PPFIA2: variants seen among roughly 807,000 people sequenced by gnomAD.
PPFIA2 encodes the protein liprin-alpha-2.
PPFIA2 carries 46 observed loss-of-function variants against 175.5 expected under a neutral mutation model. That is an observed-to-expected ratio of 0.26 (90% CI 0.21 to 0.34). The LOEUF is 0.34. Ranked by LOEUF, PPFIA2 falls within the 10% of genes least tolerant of loss-of-function variation. The pLI is 1.00. For missense variants in PPFIA2, 1,179 were observed against 1,506.1 expected (o/e 0.78, Z 3.60); for synonymous variants, 568 against 511.4 (o/e 1.11, Z -1.49).
intron 7 of PPFIA2, among the ~76,000 whole-genome samples, chr12:81,436,405 T>C (rs911578472): frequency 6.6e-6 from 1 of 150,386 alleles, no homozygotes; most frequent in Non-Finnish European, 1.5e-5. Context: ...TTTGCTCTGG[T>C]TCCTGATTAT....
At chr12:81,386,705 G>A (rs1029962771) in intron 8 of PPFIA2, among the ~76,000 whole-genome samples, 10 of 151,972 alleles carry the variant, frequency 6.6e-5, no homozygotes, top group African/African-American at 2.2e-4. Context: ...TTTGTAGTGA[G>A]GACGGTGCAG....
At chr12:81,269,249 A>G (rs1294395139) in intron 28 of PPFIA2, among the ~76,000 whole-genome samples, 5 of 151,900 alleles carry the variant, frequency 3.3e-5, no homozygotes, top group Non-Finnish European at 7.4e-5. Flanking sequence ...AAAGAATTTT[A>G]AGAAACTTAA....
intron 4 of PPFIA2, among the ~76,000 whole-genome samples, chr12:81,635,909 ATCTC>A (rs112608940): frequency 4.0e-5 from 6 of 150,222 alleles, no homozygotes; most frequent in African/African-American, 1.5e-4. Context: ...GGAAAATGCA[ATCTC>A]TCTCTCTCAC....
At chr12:81,501,844 C>T (rs1409230500) in intron 4 of PPFIA2, among the ~76,000 whole-genome samples, 1 of 152,078 alleles carries the variant, frequency 6.6e-6, no homozygotes, top group South Asian at 2.1e-4. Context: ...CCTAACACTG[C>T]TATTGTCAAT....
chr12:81,607,777 C>T (rs1205226796), intron 4 of PPFIA2, among the ~76,000 whole-genome samples: 1 of 151,876 alleles, frequency 6.6e-6, no homozygotes, highest in Non-Finnish European at 1.5e-5. Context: ...TATTTGGATG[C>T]CTTTTATTTC....
intron 4 of PPFIA2, among the ~76,000 whole-genome samples, chr12:81,522,004 C>T (rs2063214720): frequency 6.6e-6 from 1 of 151,890 alleles, no homozygotes; most frequent in Non-Finnish European, 1.5e-5. Context: ...ATGCATTTAC[C>T]TATTGGAATA....
chr12:81,593,925 C>T (rs545802139), intron 4 of PPFIA2, among the ~76,000 whole-genome samples: 1 of 152,268 alleles, frequency 6.6e-6, no homozygotes, highest in East Asian at 1.9e-4. Flanking sequence ...GGCTGCAGAA[C>T]AGAAGGTGAG....
intron 8 of PPFIA2, among the ~76,000 whole-genome samples, chr12:81,402,781 GAGA>G (rs1296501418): frequency 6.6e-6 from 1 of 152,124 alleles, no homozygotes; most frequent in Non-Finnish European, 1.5e-5. Context: ...TTGAGCCCAG[GAGA>G]AGGAGGTTGC....
chr12:81,699,044 G>A (rs1480481008), intron 3 of PPFIA2, among the ~76,000 whole-genome samples: 2 of 151,984 alleles, frequency 1.3e-5, no homozygotes, highest in South Asian at 2.1e-4. Context: ...TCACTATCAA[G>A]TAATATGCAG....
At chr12:81,426,457 G>T (rs2047150976) in intron 7 of PPFIA2, among the ~76,000 whole-genome samples, 1 of 152,140 alleles carries the variant, frequency 6.6e-6, no homozygotes, top group African/African-American at 2.4e-5. Flanking sequence ...TGAACTTGCA[G>T]TTGGTATCAG....
intron 4 of PPFIA2, among the ~76,000 whole-genome samples, chr12:81,624,225 A>G (rs1215847515): frequency 1.3e-5 from 2 of 151,612 alleles, no homozygotes; most frequent in Non-Finnish European, 3.0e-5. Flanking sequence ...TATGTTACTT[A>G]TATGTCAACT....
intron 4 of PPFIA2, among the ~76,000 whole-genome samples, chr12:81,642,707 T>TTATATACATAC (rs1187931165): frequency 0.026 from 1,850 of 69,858 alleles, 731 homozygotes; most frequent in South Asian, 0.05. Context: ...CATGTATATG[T>TTATATACATAC]ATGTATGTAT....
In PPFIA2 at chr12:81,354,214, CTCTT is replaced by C. The variant is rs1030028765; in HGVS notation, c.1774-879_1774-876del. 2.4e-4 allele frequency among the ~76,000 whole-genome samples: 37 copies of C among 152,238 alleles called. 1 individual carries two copies. Among genetic ancestry groups the C allele is most frequent in the Admixed American group, 2.4e-3 (36 of 15,280 alleles). On this transcript the variant is annotated intron_variant, in intron 16 of 32. Coordinates refer to ENST00000549396, the MANE Select transcript of PPFIA2 (RefSeq NM_003625.5). ...CAATGAAATTTGCCACATTGATTGA[CTCTT>C]TCTTTCATGAAAGATTTCTCTGTAG...
intron 4 of PPFIA2, among the ~76,000 whole-genome samples, chr12:81,483,266 G>C (rs1167241768): frequency 6.6e-6 from 1 of 152,094 alleles, no homozygotes; most frequent in Non-Finnish European, 1.5e-5. Flanking sequence ...CGTGTTCATA[G>C]TAGCATTATT....
intron 4 of PPFIA2, among the ~76,000 whole-genome samples, chr12:81,532,292 T>C (rs2064685773): frequency 6.6e-6 from 1 of 151,676 alleles, no homozygotes; most frequent in African/African-American, 2.4e-5. Flanking sequence ...GATGACTAAG[T>C]CTATTTGTAG....
chr12:81,706,164 TAGA>T (rs1287040756), intron 3 of PPFIA2, among the ~76,000 whole-genome samples: 1 of 152,196 alleles, frequency 6.6e-6, no homozygotes, highest in Non-Finnish European at 1.5e-5. Flanking sequence ...GGGACCAACT[TAGA>T]AGATTAGACA....
chr12:81,461,100 A>G (rs867748395), intron 4 of PPFIA2, among the ~76,000 whole-genome samples: 2 of 152,118 alleles, frequency 1.3e-5, no homozygotes, highest in Non-Finnish European at 2.9e-5. Flanking sequence ...CAAAATTCAA[A>G]CCACCCAAAA....
At chr12:81,717,447 T>A (rs2078775459) in intron 3 of PPFIA2, among the ~76,000 whole-genome samples, 1 of 151,670 alleles carries the variant, frequency 6.6e-6, no homozygotes, top group African/African-American at 2.4e-5. Context: ...ACCTTTATAT[T>A]AATGAGCCTC....
At chr12:81,629,157 G>T (rs1006540858) in intron 4 of PPFIA2, among the ~76,000 whole-genome samples, 6 of 151,974 alleles carry the variant, frequency 3.9e-5, no homozygotes, top group African/African-American at 7.3e-5. Context: ...ATGTAACAAG[G>T]ATTCAGGTTA....
Sources: allele counts gnomAD v4.1 joint callset (sites outside exome capture counted in the v4.1 genomes callset), GRCh38; gene constraint gnomAD v4.1.1; transcripts MANE v1.5; gene names NCBI Gene and HGNC (gene_info 2026-07-23, HGNC 2026-07-21).